The following PIK3C2B variants were observed in gnomAD, a reference collection of about 807,000 sequenced individuals.
PIK3C2B encodes the protein phosphatidylinositol-4-phosphate 3-kinase catalytic subunit type 2 beta.
In PIK3C2B, 83 loss-of-function variants were observed where a neutral mutation model predicts 184.3. The ratio of observed to expected loss-of-function variants is 0.45; its 90% confidence interval spans 0.38 to 0.54. The LOEUF (loss-of-function observed/expected upper bound fraction) is 0.54, where lower values mean the gene tolerates loss of function less well. PIK3C2B is among the 20% of genes least tolerant of loss of function. The pLI is 0.00. For missense variants in PIK3C2B, 1,736 were observed against 2,113.5 expected (o/e 0.82, Z 3.50); for synonymous variants, 779 against 837.6 (o/e 0.93, Z 1.21).
intron 5 of PIK3C2B, among the ~76,000 whole-genome samples, chr1:204,463,680 C>A (rs967421007): frequency 2.6e-5 from 4 of 152,162 alleles, no homozygotes; most frequent in Admixed American, 6.5e-5. Context: ...AGATACAGCA[C>A]TACCCATATA....
intron 5 of PIK3C2B, among the ~76,000 whole-genome samples, chr1:204,462,507 A>T (rs770950401): frequency 1.3e-5 from 2 of 152,180 alleles, no homozygotes; most frequent in African/African-American, 4.8e-5. Flanking sequence ...GCTCCAACTT[A>T]TCCACTATGT....
chr1:204,488,032 AT>A (rs1440256278), intron 1 of PIK3C2B, among the ~76,000 whole-genome samples: 1 of 152,234 alleles, frequency 6.6e-6, no homozygotes, highest in Non-Finnish European at 1.5e-5. Flanking sequence ...TAATTAACTC[AT>A]TTCATTTTAC....
intron 1 of PIK3C2B, among the ~76,000 whole-genome samples, chr1:204,478,231 C>G (rs1451458018): frequency 6.6e-6 from 1 of 152,106 alleles, no homozygotes; most frequent in Non-Finnish European, 1.5e-5. Flanking sequence ...CCACTTCTGT[C>G]CATCCCCCAG....
chr1:204,437,264 G>A (rs1424397436), intron 23 of PIK3C2B, among the ~76,000 whole-genome samples: 2 of 152,126 alleles, frequency 1.3e-5, no homozygotes, highest in Non-Finnish European at 2.9e-5. Flanking sequence ...GGAGGCTGAG[G>A]TGGGTGGATC....
intron 2 of PIK3C2B, among the ~76,000 whole-genome samples, chr1:204,465,914 A>T (rs1179511610): frequency 6.6e-6 from 1 of 152,258 alleles, no homozygotes; most frequent in Admixed American, 6.5e-5. Context: ...TGGTCTGGGC[A>T]GGGGAGGACC....
rs373782380 is a variant in PIK3C2B, at chr1:204,431,741, T to A, written c.4208A>T (p.Gln1403Leu). 1.5e-5 allele frequency: 24 copies of A among 1,614,074 alleles called. No homozygotes were observed. In the African/African-American group the frequency reaches 2.9e-4, roughly 20 times the overall value. The change falls in exon 28 of 33, where the codon CAG (glutamine) becomes CTG (leucine). Residue 1403 changes from glutamine (Q) to leucine (L), a missense_variant. Gln to Leu is a moderately radical substitution (Grantham distance 113). Around this residue, in one of 8 missense-constraint regions of PIK3C2B, gnomAD observed 200 missense variants for 199.1 expected, o/e 1.00. Transcript: ENST00000684373. Reference sequence around the variant, plus strand: ...TTCCTGGAACTCCTCAAAGGTCCGCTGGATGTAGGTGGCCTCGTGAGTGTT... The same window carrying A: ...TTCCTGGAACTCCTCAAAGGTCCGCAGGATGTAGGTGGCCTCGTGAGTGTT... ...RENTHEATYIQRTFEEFQELH... is the reference protein window; with the variant it reads ...RENTHEATYILRTFEEFQELH...
intron 1 of PIK3C2B, chr1:204,489,888 T>G (rs1027074159): frequency 2.5e-6 from 1 of 397,032 alleles, no homozygotes; most frequent in Admixed American, 4.5e-5. Context: ...TCTACTCTTC[T>G]TCCCTCATCC....
At position 204,424,384 on chromosome 1, in the gene PIK3C2B, C is replaced by T. The variant is rs1486225424; in HGVS notation, c.*468G>A. The T allele has an allele frequency of 8.8e-6, 2 of 228,204 alleles. No homozygotes were observed. Among genetic ancestry groups the T allele is most frequent in the South Asian group, 5.4e-5 (1 of 18,644 alleles). The allele number at this position is 228,204 out of a possible 1,614,324, so 14.1% of individuals were successfully genotyped here. On this transcript the variant is annotated 3_prime_UTR_variant, in exon 33 of 33. Coordinates refer to ENST00000684373, the MANE Select transcript of PIK3C2B (RefSeq NM_001377334.1). ...AAGTCCAATAAGAACCTTAATCATA[C>T]AAAAAGTCCAAATAGTCTTCCTCTC...
chr1:204,461,586 C>T (rs1049723044), intron 5 of PIK3C2B, among the ~76,000 whole-genome samples: 4 of 152,264 alleles, frequency 2.6e-5, no homozygotes, highest in South Asian at 2.1e-4. Context: ...TAAAAGCTGG[C>T]GGAGGTGCAG....
In PIK3C2B at chr1:204,440,225, T is replaced by C; in HGVS notation, c.3346A>G (p.Ile1116Val). The C allele has an allele frequency of 6.2e-7, 1 of 1,612,758 alleles. No homozygotes were observed. Among genetic ancestry groups the C allele is most frequent in the Non-Finnish European group, 8.5e-7 (1 of 1,179,234 alleles). The change falls in exon 22 of 33, where the codon ATC (isoleucine) becomes GTC (valine). Residue 1116 changes from isoleucine (I) to valine (V), a missense_variant. By Grantham distance (29) the Ile-to-Val change is conservative. Transcript: ENST00000684373. The part of the protein sequence containing the change: ...VQEGLDMRMV[I>V]FRCFSTGRGR... ...CGGCCGGTGGAGAAGCAGCGGAAGA[T>C]GACCATGCGCATGTCCAGCCCCTCC...
chr1:204,456,924 A>ACCCCC (rs1553304176), intron 10 of PIK3C2B, 113 bp downstream of exon 10: 1 of 546,706 alleles, frequency 1.8e-6, no homozygotes, highest in Admixed American at 3.5e-5. Context: ...ACACACACAC[A>ACCCCC]CCAGCCGAAC....
At position 204,424,668 on chromosome 1, in the gene PIK3C2B, AG is replaced by A. The variant is rs774896964; in HGVS notation, c.*183del. 3.9e-6 allele frequency: 3 copies of A among 763,438 alleles called. No homozygotes were observed. Among genetic ancestry groups the A allele is most frequent in the South Asian group, 1.4e-5 (1 of 73,814 alleles). The allele number at this position is 763,438 out of a possible 1,614,324, so 47.3% of individuals were successfully genotyped here. A position where few individuals can be genotyped will look rare whatever the true frequency, so the allele number is the denominator to read the frequency against. ...CAACCAACCCAAGTTCAGTCTCCAG[AG>A]GAAGAGACAGCAGAGCATGTCTTAC... On this transcript the variant is annotated 3_prime_UTR_variant, in exon 33 of 33. Coordinates refer to ENST00000684373, the MANE Select transcript of PIK3C2B (RefSeq NM_001377334.1).
At chr1:204,434,949 G>C (rs956917298) in intron 23 of PIK3C2B, among the ~76,000 whole-genome samples, 7 of 152,184 alleles carry the variant, frequency 4.6e-5, no homozygotes, top group Non-Finnish European at 8.8e-5. Flanking sequence ...AGACTGAGGG[G>C]ACCTTAAGAG....
At chr1:204,466,197 G>T (rs1655772159) in intron 2 of PIK3C2B, among the ~76,000 whole-genome samples, 1 of 152,162 alleles carries the variant, frequency 6.6e-6, no homozygotes, top group East Asian at 1.9e-4. Flanking sequence ...CTGCCTGAGG[G>T]GTCTGCTCAG....
intron 1 of PIK3C2B, among the ~76,000 whole-genome samples, chr1:204,484,333 C>A (rs902147019): frequency 5.3e-5 from 8 of 152,168 alleles, no homozygotes; most frequent in African/African-American, 1.4e-4. Context: ...AAAGGTCACA[C>A]AACTTGTAAA....
chr1:204,446,199 G>T, intron 15 of PIK3C2B, 55 bp from the exon 16 acceptor site: 1 of 1,299,760 alleles, frequency 7.7e-7, no homozygotes, highest in South Asian at 1.5e-5. Flanking sequence ...CAGTGAGAGA[G>T]AACAGCATCA....
intron 30 of PIK3C2B, among the ~76,000 whole-genome samples, 164 bp from the exon 31 acceptor site, chr1:204,427,918 G>A (rs1393545886): frequency 2.6e-5 from 4 of 152,216 alleles, no homozygotes; most frequent in African/African-American, 7.2e-5. Context: ...GGGTTGGGAT[G>A]GGTCTAAGGA....
chr1:204,476,424 T>A (rs1428820701), intron 1 of PIK3C2B, among the ~76,000 whole-genome samples: 1 of 152,216 alleles, frequency 6.6e-6, no homozygotes, highest in East Asian at 1.9e-4. Flanking sequence ...CATGGACCTA[T>A]AGTCCCAGCT....
chr1:204,429,956 A>T lies in PIK3C2B; in HGVS notation c.4363T>A (p.Trp1455Arg), dbSNP rs1674951652. 1 of 1,612,810 alleles carries T rather than the reference A, an allele frequency of 6.2e-7. No individual in the cohort carries two copies. The highest frequency in any genetic ancestry group is 1.1e-5 in the South Asian group (1 of 91,086). The change falls in exon 29 of 33, where the codon TGG becomes AGG. Residue 1455 changes from tryptophan (W) to arginine (R), a missense_variant. This residue lies in a region of PIK3C2B where 200 missense variants were observed against 199.1 expected (regional missense o/e 1.00). Coordinates refer to ENST00000684373, the MANE Select transcript of PIK3C2B (RefSeq NM_001377334.1). ...TCAGGGGGTGCGTGGATCAAGTGCC[A>T]GATGTAACCGTTTAGCTCCTCCCTC... ...RRREELNGYI[W>R]HLIHAPPEVA...
Sources: allele counts gnomAD v4.1 joint callset (sites outside exome capture counted in the v4.1 genomes callset), GRCh38; gene constraint gnomAD v4.1.1; regional missense constraint gnomAD v4.1.1; transcripts MANE v1.5; gene names NCBI Gene and HGNC (gene_info 2026-07-23, HGNC 2026-07-21).